The following USP24 variants were observed in gnomAD, a reference collection of about 807,000 sequenced individuals.
USP24 encodes ubiquitin specific peptidase 24.
A neutral mutation model predicts 361.6 loss-of-function variants in USP24; 97 were observed. The ratio of observed to expected loss-of-function variants is 0.27; its 90% CI spans 0.23 to 0.32. The LOEUF (loss-of-function observed/expected upper bound fraction) is 0.32, where lower values mean the gene tolerates loss of function less well. Among genes scored for constraint, USP24 ranks in the 10% least tolerant of loss-of-function variants. The pLI is 1.00. For missense variants in USP24, 2,353 were observed against 3,165.6 expected (o/e 0.74, Z 6.16); for synonymous variants, 1,098 against 1,124.6 (o/e 0.98, Z 0.47).
intron 55 of USP24, among the ~76,000 whole-genome samples, chr1:55,087,731 C>T (rs1366512504): frequency 6.6e-6 from 1 of 152,100 alleles, no homozygotes; most frequent in African/African-American, 2.4e-5. Flanking sequence ...CTGGCTTCTG[C>T]CCTCAAGAAG....
intron 52 of USP24, 117 bp downstream of exon 52, chr1:55,093,820 T>C: frequency 1.4e-6 from 2 of 1,405,174 alleles, no homozygotes; most frequent in Non-Finnish European, 1.9e-6. Context: ...GACAAGTGTG[T>C]AAGACGATGT....
intron 1 of USP24, 52 bp downstream of exon 1, chr1:55,214,738 G>T: frequency 8.7e-7 from 1 of 1,152,152 alleles, no homozygotes; most frequent in Non-Finnish European, 1.1e-6. Flanking sequence ...TCCCCTCCCA[G>T]GAACTCCAGC....
chr1:55,204,425 C>T (rs1185372881), intron 1 of USP24, among the ~76,000 whole-genome samples: 4 of 151,752 alleles, frequency 2.6e-5, no homozygotes, highest in South Asian at 4.2e-4. Context: ...AAACATCTAA[C>T]AGGCAAAAAA....
chr1:55,101,299 T>G (rs911243048), intron 43 of USP24, among the ~76,000 whole-genome samples: 15 of 152,234 alleles, frequency 9.9e-5, no homozygotes, highest in African/African-American at 2.9e-4. Flanking sequence ...TCTAAAATAC[T>G]AAAACTGTCA....
intron 4 of USP24, 144 bp from the exon 5 acceptor site, chr1:55,171,822 C>A: frequency 1.1e-6 from 1 of 937,462 alleles, no homozygotes; most frequent in Non-Finnish European, 1.6e-6. Flanking sequence ...TACGCCTTAG[C>A]TAGTGCAAAA....
At chr1:55,186,032 C>T (rs1644121472) in intron 1 of USP24, among the ~76,000 whole-genome samples, 1 of 152,118 alleles carries the variant, frequency 6.6e-6, no homozygotes, top group Non-Finnish European at 1.5e-5. Context: ...AAGACCTGTA[C>T]CAAGTAAAAA....
At chr1:55,201,186 G>C (rs1198336316) in intron 1 of USP24, among the ~76,000 whole-genome samples, 1 of 152,170 alleles carries the variant, frequency 6.6e-6, no homozygotes, top group South Asian at 2.1e-4. Context: ...GGGGAAATGT[G>C]TTCCAAAATG....
At chr1:55,154,597 G>A (rs937785831) in intron 13 of USP24, 74 bp downstream of exon 13, 4 of 1,457,960 alleles carry the variant, frequency 2.7e-6, no homozygotes, top group Non-Finnish European at 3.8e-6. Context: ...TGGTGGGGAG[G>A]AGGGGTATTC....
intron 54 of USP24, among the ~76,000 whole-genome samples, chr1:55,090,617 A>T (rs879857686): frequency 1.3e-5 from 2 of 152,174 alleles, no homozygotes; most frequent in Non-Finnish European, 2.9e-5. Flanking sequence ...AAGACTGGGA[A>T]CTTAAGTAGT....
chr1:55,098,859 A>G (rs1402688456), intron 45 of USP24, among the ~76,000 whole-genome samples: 2 of 152,124 alleles, frequency 1.3e-5, no homozygotes, highest in African/African-American at 4.8e-5. Context: ...ACTCTCAGCA[A>G]TCTTTTCTTT....
At chr1:55,159,203 G>A (rs1392932885) in intron 9 of USP24, among the ~76,000 whole-genome samples, 167 bp from the exon 10 acceptor site, 1 of 152,182 alleles carries the variant, frequency 6.6e-6, no homozygotes, top group Non-Finnish European at 1.5e-5. Context: ...TAGCACATGG[G>A]TGAGCAGTAA....
At position 55,079,635 on chromosome 1, in the gene USP24, G is replaced by A; in HGVS notation, c.7103C>T (p.Pro2368Leu). ...NVAPGIFKQR[P>L]PISIAPSSPL... ...GCTTGAGGGAGCAATGCTAATGGGT[G>A]GTCGTTGCTTAAATATGCCAGGAGC... Residue 2368 changes from proline to leucine, a missense_variant, in exon 60 of 68, where the codon CCA becomes CTA. Physicochemically the swap from Pro to Leu is moderately conservative, Grantham distance 98. Transcript: ENST00000294383. 2 of 1,540,940 alleles carry A rather than the reference G, an allele frequency of 1.3e-6. No homozygotes were observed. The highest frequency in any genetic ancestry group is 1.4e-5 in the African/African-American group (1 of 69,914).
chr1:55,185,656 G>C (rs67901567), intron 1 of USP24, among the ~76,000 whole-genome samples: 2 of 151,888 alleles, frequency 1.3e-5, no homozygotes, highest in Non-Finnish European at 2.9e-5. Context: ...GACCTTCTAG[G>C]CTCAAGCAAA....
chr1:55,134,156 G>C lies in USP24; in HGVS notation c.3295C>G (p.Leu1099Val). ...AAGAGCAGAAGCTTCCGTACTCGTAGAGTTATCCTGAAGTTTTTCAAATAC... is the reference window on the plus strand; with the variant it reads ...AAGAGCAGAAGCTTCCGTACTCGTACAGTTATCCTGAAGTTTTTCAAATAC... The part of the protein sequence containing the change: ...LANLEEPRIT[L>V]RVRKLLLLIP... Residue 1099 changes from leucine to valine, a missense_variant, in exon 30 of 68, where the codon CTA becomes GTA. Around this residue, in one of 8 missense-constraint regions of USP24, gnomAD observed 949 missense variants for 1,280.5 expected, o/e 0.74. Transcript: ENST00000294383. The C allele has an allele frequency of 6.2e-7, 1 of 1,613,464 alleles. No homozygotes were observed. Among genetic ancestry groups the C allele is most frequent in the Non-Finnish European group, 8.5e-7 (1 of 1,179,688 alleles).
chr1:55,138,162 C>T lies in USP24; in HGVS notation c.2929-258G>A, dbSNP rs893474814. On this transcript the variant is annotated intron_variant, in intron 26 of 67. Transcript: ENST00000294383. ...TCCACTGCAGCGTTGTCCACTCTTTCCCTTTCTCACTGTGCTCCCCTCACA... is the reference window on the plus strand; with the variant it reads ...TCCACTGCAGCGTTGTCCACTCTTTTCCTTTCTCACTGTGCTCCCCTCACA... Among the ~76,000 whole-genome samples the T allele has an allele frequency of 8.5e-5, 13 of 152,268 alleles. 2 individuals carry two copies. The South Asian group carries it at 1.9e-3, about 22-fold the overall frequency.
chr1:55,097,320 T>C (rs1455516564), intron 48 of USP24, 148 bp from the exon 49 acceptor site: 2 of 1,121,670 alleles, frequency 1.8e-6, no homozygotes, highest in Admixed American at 2.8e-5. Flanking sequence ...ATCTCAGAAA[T>C]GTTAAGTCTG....
chr1:55,162,128 T>G (rs1331571016), intron 8 of USP24, 71 bp downstream of exon 8: 2 of 1,409,522 alleles, frequency 1.4e-6, no homozygotes, highest in Non-Finnish European at 1.9e-6. Flanking sequence ...CTGAATAACC[T>G]GATAAAAAGA....
intron 45 of USP24, among the ~76,000 whole-genome samples, chr1:55,098,820 C>T (rs1645557869): frequency 6.6e-6 from 1 of 152,090 alleles, no homozygotes; most frequent in African/African-American, 2.4e-5. Flanking sequence ...AATCCTTCTC[C>T]CTGTGCTACA....
In USP24 at chr1:55,092,836, T is replaced by C. The variant is rs61733136; in HGVS notation, c.6435A>G (p.Leu2145=). 4 of 1,593,008 alleles carry C rather than the reference T, an allele frequency of 2.5e-6. No homozygotes were observed. In the African/African-American group the frequency reaches 4.1e-5, roughly 16 times the overall value. The change falls in exon 53 of 68, where the codon TTA becomes TTG. Residue 2145 remains leucine (L), a synonymous_variant. Transcript: ENST00000294383. ...SSDYFSFVLS[L]ASLNATKLKH... ...AGTTACTTACAGCATTCAATGAAGC[T>C]AAAGACAAAACAAAACTGAAATAAT...
Sources: allele counts gnomAD v4.1 joint callset (sites outside exome capture counted in the v4.1 genomes callset), GRCh38; gene constraint gnomAD v4.1.1; regional missense constraint gnomAD v4.1.1; transcripts MANE v1.5; gene names NCBI Gene and HGNC (gene_info 2026-07-23, HGNC 2026-07-21).